The following DNAJC24 variants were observed in gnomAD, a reference collection of about 807,000 sequenced individuals.
The protein encoded by DNAJC24 is dnaJ homolog subfamily C member 24.
A neutral mutation model predicts 18.0 loss-of-function variants in DNAJC24; 17 were observed. That is an observed-to-expected ratio of 0.94 (90% CI 0.65 to 1.42). DNAJC24 has a LOEUF of 1.42. DNAJC24 is among the 40% of genes most tolerant of loss of function. DNAJC24 has a pLI of 0.00. For synonymous variants in DNAJC24, 55 were observed against 57.7 expected (o/e 0.95, Z 0.21); for missense variants, 158 against 175.6 (o/e 0.90, Z 0.57).
chr11:31,428,425 A>G (rs1952886487), intron 4 of DNAJC24, among the ~76,000 whole-genome samples: 1 of 152,188 alleles, frequency 6.6e-6, no homozygotes, highest in Admixed American at 6.5e-5. Context: ...GTTTTGAGCT[A>G]AATTTTTTTT....
intron 2 of DNAJC24, among the ~76,000 whole-genome samples, chr11:31,377,392 G>A (rs1952327514): frequency 6.6e-6 from 1 of 151,948 alleles, no homozygotes; most frequent in Non-Finnish European, 1.5e-5. Context: ...GTAAAGTGCA[G>A]AATTAGTTTT....
At chr11:31,373,916 A>G (rs1952289305) in intron 2 of DNAJC24, among the ~76,000 whole-genome samples, 1 of 135,616 alleles carries the variant, frequency 7.4e-6, no homozygotes, top group African/African-American at 2.5e-5. Context: ...ATATAAAATT[A>G]TAGCTTATTT....
chr11:31,392,709 CTTTT>C (rs1194936438), intron 2 of DNAJC24, among the ~76,000 whole-genome samples: 1 of 129,312 alleles, frequency 7.7e-6, no homozygotes. Flanking sequence ...TCACAATTTT[CTTTT>C]TTTTTTTTTT....
rs1952928143 is a variant in DNAJC24 at position 31,431,920 on chromosome 11, T to C, written c.*1519T>C. The C allele has an allele frequency of 6.6e-6, 1 of 152,304 alleles. No homozygotes were observed. Among genetic ancestry groups the C allele is most frequent in the African/African-American group, 2.4e-5 (1 of 41,466 alleles). 9.4% of individuals were successfully genotyped at this position (152,304 alleles called of 1,614,324 possible). ...TATGCTGAAATGAACTTTTATAAAG[T>C]ATTATTGACTATAGCCAACTACAGA... On this transcript the variant is annotated 3_prime_UTR_variant, in exon 5 of 5. Transcript: ENST00000465995.
chr11:31,430,181 T>A, intron 4 of DNAJC24, 90 bp from the exon 5 acceptor site: 1 of 1,168,438 alleles, frequency 8.6e-7, no homozygotes, highest in Non-Finnish European at 1.2e-6. Flanking sequence ...TGTTTTACAA[T>A]TCCTATGGAA....
intron 3 of DNAJC24, among the ~76,000 whole-genome samples, chr11:31,425,617 A>G (rs1952853474): frequency 6.6e-6 from 1 of 152,040 alleles, no homozygotes; most frequent in African/African-American, 2.4e-5. Context: ...ATCACTCTCT[A>G]ATCCCTTCCC....
chr11:31,390,705 TA>T (rs34050503), intron 2 of DNAJC24, among the ~76,000 whole-genome samples: 38,775 of 113,990 alleles, frequency 0.34, 5,868 homozygotes, highest in Middle Eastern at 0.37. Flanking sequence ...GATTCCATCT[TA>T]AAAAAAAAAA....
intron 2 of DNAJC24, among the ~76,000 whole-genome samples, chr11:31,411,441 T>C (rs1323686911): frequency 6.6e-6 from 1 of 152,242 alleles, no homozygotes; most frequent in Non-Finnish European, 1.5e-5. Flanking sequence ...TATTCTTTTA[T>C]AGTTCTGGAG....
At chr11:31,389,483 A>G (rs113301579) in intron 2 of DNAJC24, among the ~76,000 whole-genome samples, 10 of 152,230 alleles carry the variant, frequency 6.6e-5, no homozygotes, top group African/African-American at 2.4e-4. Flanking sequence ...TACACCAAAT[A>G]GATATCTAGA....
At chr11:31,402,415 TAA>T (rs1000591388) in intron 2 of DNAJC24, among the ~76,000 whole-genome samples, 6 of 152,356 alleles carry the variant, frequency 3.9e-5, no homozygotes, top group African/African-American at 1.4e-4. Flanking sequence ...GTAGACTTTA[TAA>T]ACATTGTACA....
rs1240602018 is a variant in DNAJC24 at position 31,430,413 on chromosome 11, A to G, written c.*12A>G. ...TTCATTATAACTAAAATTGTTCACA[A>G]CTTGAAATGCTTTAACTGTGGTATT... On this transcript the variant is annotated 3_prime_UTR_variant, in exon 5 of 5. Transcript: ENST00000465995. 2 of 1,601,274 alleles carry G rather than the reference A, an allele frequency of 1.2e-6. No individual in the cohort carries two copies. Among genetic ancestry groups the G allele is most frequent in the South Asian group, 1.1e-5 (1 of 89,542 alleles).
In DNAJC24 at chr11:31,378,887, C is replaced by T. The variant is rs377208426; in HGVS notation, c.111+8028C>T. Among the ~76,000 whole-genome samples the T allele has an allele frequency of 1.8e-4, 28 of 152,170 alleles. No homozygotes were observed. In the East Asian group the frequency reaches 3.3e-3, roughly 18 times the overall value. ...GATTATTAGTTAATGACATTTACTT[C>T]CCCAATTCTTGAGGAATGTAAAAAT... On this transcript the variant is annotated intron_variant, in intron 2 of 4. Coordinates refer to ENST00000465995, the MANE Select transcript of DNAJC24 (RefSeq NM_181706.5).
At chr11:31,370,365 C>T (rs1306911971) in intron 1 of DNAJC24, among the ~76,000 whole-genome samples, 7 of 152,038 alleles carry the variant, frequency 4.6e-5, no homozygotes, top group Admixed American at 2.0e-4. Context: ...GCTCCTCCAG[C>T]GTGTTTAGTG....
At chr11:31,399,481 C>G (rs1332518521) in intron 2 of DNAJC24, among the ~76,000 whole-genome samples, 1 of 147,112 alleles carries the variant, frequency 6.8e-6, no homozygotes, top group Non-Finnish European at 1.5e-5. Context: ...GTGGCACGAT[C>G]TCAGCTCACT....
intron 2 of DNAJC24, among the ~76,000 whole-genome samples, chr11:31,386,051 C>A (rs1952427261): frequency 6.6e-6 from 1 of 152,176 alleles, no homozygotes; most frequent in African/African-American, 2.4e-5. Context: ...GCATTTAGAT[C>A]AGCCCTAGAC....
In DNAJC24 at chr11:31,370,875, C is replaced by G; in HGVS notation, c.111+16C>G. On this transcript the variant is annotated intron_variant, in intron 2 of 4. Coordinates refer to ENST00000465995, the MANE Select transcript of DNAJC24 (RefSeq NM_181706.5). ...CATATTAATGGTAAGTCTTTTCTTTCAGATTTTAAATCATGAGGGGAAAAA... is the reference window on the plus strand; with the variant it reads ...CATATTAATGGTAAGTCTTTTCTTTGAGATTTTAAATCATGAGGGGAAAAA... 1 of 1,511,542 alleles carries G rather than the reference C, an allele frequency of 6.6e-7. No individual in the cohort carries two copies. The highest frequency in any genetic ancestry group is 9.0e-7 in the Non-Finnish European group (1 of 1,106,332). 93.6% of individuals were successfully genotyped at this position (1,511,542 alleles called of 1,614,324 possible).
chr11:31,429,752 AGTC>A (rs1412449024), intron 4 of DNAJC24: 2 of 165,260 alleles, frequency 1.2e-5, no homozygotes, highest in Non-Finnish European at 2.7e-5. Flanking sequence ...TATAGACTTA[AGTC>A]AAGATTCTTG....
At chr11:31,408,143 C>T (rs1952673879) in intron 2 of DNAJC24, 1 of 455,972 alleles carries the variant, frequency 2.2e-6, no homozygotes, top group African/African-American at 2.0e-5. Flanking sequence ...TTTTGGTGTA[C>T]ATACTTGGAA....
chr11:31,430,249 ATTATT>A lies in DNAJC24; in HGVS notation c.320-19_320-15del, dbSNP rs756018297. 5 of 1,596,858 alleles carry A rather than the reference ATTATT, an allele frequency of 3.1e-6. No individual in the cohort carries two copies. In the South Asian group the frequency reaches 5.6e-5, roughly 18 times the overall value. Reference sequence around the variant, plus strand: ...GTAGTTACTTACAAGTCTTTGAAAGATTATTTTGTTTTCTTTTGCAGGTGATCACT... The same window carrying A: ...GTAGTTACTTACAAGTCTTTGAAAGATTGTTTTCTTTTGCAGGTGATCACT... On this transcript the variant is annotated splice_polypyrimidine_tract_variant and intron_variant, in intron 4 of 4. Coordinates refer to ENST00000465995, the MANE Select transcript of DNAJC24 (RefSeq NM_181706.5).
Sources: gnomAD v4.1 joint callset for allele counts (sites outside exome capture counted in the v4.1 genomes callset) on GRCh38, gnomAD v4.1.1 for gene constraint, MANE v1.5 for transcripts, NCBI Gene and HGNC (gene_info 2026-07-23, HGNC 2026-07-21) for gene names.